Variants in CRK observed in about 807,000 individuals in gnomAD.
CRK encodes the protein adapter molecule crk.
A neutral mutation model predicts 29.8 loss-of-function variants in CRK; 4 were observed. That is an observed-to-expected ratio of 0.13 (90% CI 0.07 to 0.31). The LOEUF (loss-of-function observed/expected upper bound fraction) is 0.31. Ranked by LOEUF, CRK falls within the 10% of genes least tolerant of loss-of-function variation. The pLI, the probability that CRK is intolerant of heterozygous loss-of-function variation, is 1.00. For missense variants in CRK, 274 were observed against 396.5 expected (o/e 0.69, Z 2.62); for synonymous variants, 153 against 164.9 (o/e 0.93, Z 0.55).
chr17:1,444,094 A>G (rs1175378253), intron 1 of CRK, among the ~76,000 whole-genome samples: 1 of 151,692 alleles, frequency 6.6e-6, no homozygotes, highest in East Asian at 1.9e-4. Flanking sequence ...TTGGCCTCCC[A>G]AAGTGTTGGG....
intron 2 of CRK, among the ~76,000 whole-genome samples, chr17:1,427,491 G>A (rs8080277): frequency 1.3e-5 from 2 of 151,884 alleles, no homozygotes; most frequent in African/African-American, 4.8e-5. Flanking sequence ...TACTCGGGAG[G>A]CTGAGGCAGG....
At chr17:1,431,957 A>G (rs2073848291) in intron 2 of CRK, among the ~76,000 whole-genome samples, 1 of 152,242 alleles carries the variant, frequency 6.6e-6, no homozygotes, top group Non-Finnish European at 1.5e-5. Flanking sequence ...AAATCCTAAT[A>G]TGAATTACCA....
In CRK at chr17:1,436,811, A is replaced by G; in HGVS notation, c.586T>C (p.Ser196Pro). 1.9e-6 allele frequency: 3 copies of G among 1,581,202 alleles called. No individual in the cohort carries two copies. The highest frequency in any genetic ancestry group is 1.4e-5 in the African/African-American group (1 of 74,052). ...TTACCTCCAATCAGAGCCGATACTG[A>G]GGCGGAGGCAGGTCTATACTTCTCG... is the stretch of plus-strand genomic sequence containing the variant. The part of the protein sequence containing the change: ...YVEKYRPASA[S>P]VSALIGGNQE... The change falls in exon 2 of 3, where the codon TCA becomes CCA. Residue 196 changes from serine to proline, a missense_variant. Physicochemically the swap from Ser to Pro is moderately conservative, Grantham distance 74 (BLOSUM62 -1). Around this residue, in one of 3 missense-constraint regions of CRK, gnomAD observed 121 missense variants for 154.3 expected, o/e 0.78. Transcript: ENST00000300574.
At chr17:1,448,351 G>A (rs569968043) in intron 1 of CRK, among the ~76,000 whole-genome samples, 3 of 152,106 alleles carry the variant, frequency 2.0e-5, no homozygotes, top group East Asian at 1.9e-4. Flanking sequence ...GAGGCTGGGC[G>A]TGGGGGTTCA....
At chr17:1,430,811 T>C (rs2073836505) in intron 2 of CRK, among the ~76,000 whole-genome samples, 1 of 150,782 alleles carries the variant, frequency 6.6e-6, no homozygotes, top group Non-Finnish European at 1.5e-5. Context: ...CTCATGCCTG[T>C]AATCCCAGCA....
At chr17:1,453,886 C>T (rs2074036979) in intron 1 of CRK, among the ~76,000 whole-genome samples, 1 of 152,094 alleles carries the variant, frequency 6.6e-6, no homozygotes, top group South Asian at 2.1e-4. Flanking sequence ...CCAGCCTGGG[C>T]AACAAAAGCG....
intron 1 of CRK, among the ~76,000 whole-genome samples, chr17:1,449,031 G>C (rs1189121106): frequency 3.3e-5 from 5 of 152,064 alleles, no homozygotes; most frequent in Non-Finnish European, 5.9e-5. Context: ...GCAGTCTCAC[G>C]CTACCTCCAG....
At chr17:1,444,656 C>T (rs2073960568) in intron 1 of CRK, among the ~76,000 whole-genome samples, 1 of 149,624 alleles carries the variant, frequency 6.7e-6, no homozygotes, top group African/African-American at 2.5e-5. Context: ...TGGAGAAACC[C>T]CGTCTTTACT....
At chr17:1,439,339 C>T (rs757830980) in intron 1 of CRK, among the ~76,000 whole-genome samples, 4 of 152,058 alleles carry the variant, frequency 2.6e-5, no homozygotes, top group Non-Finnish European at 4.4e-5. Flanking sequence ...CCTAGTGATC[C>T]ACCCGCCTCG....
At chr17:1,428,731 C>T (rs920555525) in intron 2 of CRK, among the ~76,000 whole-genome samples, 1 of 150,218 alleles carries the variant, frequency 6.7e-6, no homozygotes, top group Non-Finnish European at 1.5e-5. Context: ...ACCATATTGG[C>T]CAGGCTGGTC....
At chr17:1,441,196 A>C (rs1027773711) in intron 1 of CRK, among the ~76,000 whole-genome samples, 5 of 151,742 alleles carry the variant, frequency 3.3e-5, no homozygotes, top group Admixed American at 3.3e-4. Flanking sequence ...CCAAAGTGCT[A>C]GTATTACAGG....
Position 1,423,308 on chromosome 17 carries a change from C to A in CRK, c.*205G>T. Reference sequence around the variant, plus strand: ...CCGCCTCCAATTGCCAATTCAGAAGCTAACACACAAGCCCTCCAGTTCGTA... The same window carrying A: ...CCGCCTCCAATTGCCAATTCAGAAGATAACACACAAGCCCTCCAGTTCGTA... On this transcript the variant is annotated 3_prime_UTR_variant, in exon 3 of 3. Coordinates refer to ENST00000300574, the MANE Select transcript of CRK (RefSeq NM_016823.4). The A allele has an allele frequency of 7.7e-6, 5 of 651,404 alleles. No homozygotes were observed. Among genetic ancestry groups the A allele is most frequent in the Non-Finnish European group, 1.3e-5 (5 of 395,440 alleles). The allele number at this position is 651,404 out of a possible 1,614,324, so 40.4% of individuals were successfully genotyped here.
intron 2 of CRK, among the ~76,000 whole-genome samples, chr17:1,433,218 G>A (rs1318574951): frequency 6.6e-6 from 1 of 152,160 alleles, no homozygotes; most frequent in Non-Finnish European, 1.5e-5. Flanking sequence ...ACTACACAGG[G>A]GACATCACAG....
intron 1 of CRK, among the ~76,000 whole-genome samples, chr17:1,454,607 G>C (rs565681209): frequency 1.3e-5 from 2 of 152,300 alleles, no homozygotes; most frequent in East Asian, 1.9e-4. Flanking sequence ...ATCTAAATTA[G>C]AACTATTCTA....
intron 1 of CRK, 90 bp downstream of exon 1, chr17:1,455,787 C>A: frequency 2.9e-6 from 4 of 1,387,022 alleles, no homozygotes; most frequent in Non-Finnish European, 3.7e-6. Flanking sequence ...CCACGACCCC[C>A]GAGGGTCCGC....
chr17:1,452,625 T>A (rs534108815), intron 1 of CRK, among the ~76,000 whole-genome samples: 1 of 151,250 alleles, frequency 6.6e-6, no homozygotes, highest in Non-Finnish European at 1.5e-5. Flanking sequence ...CCATCTCTAC[T>A]AAAAAAATAC....
intron 1 of CRK, among the ~76,000 whole-genome samples, chr17:1,440,931 G>C (rs140716387): frequency 2.0e-5 from 3 of 152,276 alleles, no homozygotes; most frequent in African/African-American, 7.2e-5. Flanking sequence ...AATGAGTTTT[G>C]TGAGTTTTTG....
Position 1,451,179 on chromosome 17 carries a change from C to G in CRK, c.241+4698G>C, listed in dbSNP as rs1339735895. Among the ~76,000 whole-genome samples, 6 of 72,022 alleles carry G rather than the reference C, an allele frequency of 8.3e-5. No homozygotes were observed. The Admixed American group carries it at 1.1e-3, about 13-fold the overall frequency. 47.2% of individuals were successfully genotyped at this position (72,022 alleles called of 152,430 possible). A position where few individuals can be genotyped will look rare whatever the true frequency, so the allele number is the denominator to read the frequency against. ...CTATACTCCAGCCTCGGTGACAGAG[C>G]GAGAAACTGTCTCAAAAAAAAAAAA... is the stretch of plus-strand genomic sequence containing the variant. On this transcript the variant is annotated intron_variant, in intron 1 of 2. Coordinates refer to ENST00000300574, the MANE Select transcript of CRK (RefSeq NM_016823.4).
intron 1 of CRK, among the ~76,000 whole-genome samples, chr17:1,447,551 A>T (rs2073984602): frequency 6.6e-6 from 1 of 150,808 alleles, no homozygotes; most frequent in Admixed American, 6.6e-5. Context: ...ATCACTTCTG[A>T]CGGGTCTACA....
Sources: allele counts gnomAD v4.1 joint callset (sites outside exome capture counted in the v4.1 genomes callset), GRCh38; gene constraint gnomAD v4.1.1; regional missense constraint gnomAD v4.1.1; transcripts MANE v1.5; gene names NCBI Gene and HGNC (gene_info 2026-07-23, HGNC 2026-07-21).